Variants in HECW2 observed in about 807,000 individuals in gnomAD.
The protein encoded by HECW2 is E3 ubiquitin-protein ligase HECW2.
Under a neutral mutation model 175.2 loss-of-function variants are expected in HECW2, and 61 were observed. That is an observed-to-expected ratio of 0.35 (90% CI 0.28 to 0.43). The LOEUF is 0.43. Ranked by LOEUF, HECW2 falls within the 20% of genes least tolerant of loss-of-function variation. The probability of loss-of-function intolerance (pLI) is 1.00; values close to 1 mark genes in which losing one functional copy is unlikely to be tolerated. For synonymous variants in HECW2, 671 were observed against 731.0 expected (o/e 0.92, Z 1.32); for missense variants, 1,524 against 2,000.5 (o/e 0.76, Z 4.54).
intron 1 of HECW2, among the ~76,000 whole-genome samples, chr2:196,478,264 G>A (rs1686725765): frequency 6.6e-6 from 1 of 152,176 alleles, no homozygotes; most frequent in South Asian, 2.1e-4. Flanking sequence ...AGGCTCTGAG[G>A]AGCTGTAGGA....
chr2:196,344,168 G>T (rs534133229), intron 2 of HECW2, among the ~76,000 whole-genome samples: 3 of 151,968 alleles, frequency 2.0e-5, no homozygotes, highest in African/African-American at 7.2e-5. Context: ...ATTCAAGATG[G>T]GATGAACAAA....
intron 1 of HECW2, among the ~76,000 whole-genome samples, chr2:196,514,085 G>A (rs761301339): frequency 6.6e-6 from 1 of 152,164 alleles, no homozygotes; most frequent in Non-Finnish European, 1.5e-5. Flanking sequence ...CCCATCAAGG[G>A]CTGCAGACCC....
intron 1 of HECW2, among the ~76,000 whole-genome samples, chr2:196,531,281 C>A (rs1559161817): frequency 2.0e-5 from 3 of 152,156 alleles, no homozygotes; most frequent in Admixed American, 2.0e-4. Context: ...AAACTTCTGT[C>A]TTGTTCGATC....
intron 2 of HECW2, among the ~76,000 whole-genome samples, chr2:196,361,161 T>A (rs1022103938): frequency 6.6e-6 from 1 of 152,170 alleles, no homozygotes. Flanking sequence ...TTTTAAATAA[T>A]TAATTAAAGT....
chr2:196,243,508 T>A (rs1453647419), intron 19 of HECW2, among the ~76,000 whole-genome samples: 1 of 152,132 alleles, frequency 6.6e-6, no homozygotes, highest in Non-Finnish European at 1.5e-5. Context: ...TGAGAATATC[T>A]AGATTATATA....
At chr2:196,505,573 G>A (rs1687732325) in intron 1 of HECW2, among the ~76,000 whole-genome samples, 1 of 151,846 alleles carries the variant, frequency 6.6e-6, no homozygotes, top group African/African-American at 2.4e-5. Flanking sequence ...AAAGAAACTA[G>A]ACTTGATTAC....
At chr2:196,423,561 T>C (rs544194979) in intron 2 of HECW2, among the ~76,000 whole-genome samples, 9 of 152,178 alleles carry the variant, frequency 5.9e-5, no homozygotes, top group African/African-American at 2.2e-4. Flanking sequence ...GCTTAGAACA[T>C]TGTCAGGGTA....
chr2:196,330,588 CT>C (rs960819296), intron 4 of HECW2, among the ~76,000 whole-genome samples: 1 of 152,154 alleles, frequency 6.6e-6, no homozygotes, highest in Admixed American at 6.5e-5. Context: ...AGCAAAATCC[CT>C]GGTAAGTCAG....
Position 196,357,309 on chromosome 2 carries a change from C to A in HECW2, c.293-13545G>T, listed in dbSNP as rs1693408508. ...CCCAATCTCGCACTCTTCAGTTTGA[C>A]AACCCTGGTGGGGGGCTTGGGCGGG... On this transcript the variant is annotated intron_variant, in intron 2 of 28. Coordinates refer to ENST00000644978, the MANE Select transcript of HECW2 (RefSeq NM_001348768.2). Among the ~76,000 whole-genome samples the A allele has an allele frequency of 2.9e-5, 4 of 139,424 alleles. No individual in the cohort carries two copies. The South Asian group carries it at 9.2e-4, about 32-fold the overall frequency. 91.5% of individuals were successfully genotyped at this position (139,424 alleles called of 152,430 possible). A position where few individuals can be genotyped will look rare whatever the true frequency, so the allele number is the denominator to read the frequency against.
chr2:196,209,757 C>CTTT (rs1365319286), intron 28 of HECW2, among the ~76,000 whole-genome samples: 10 of 142,352 alleles, frequency 7.0e-5, no homozygotes, highest in African/African-American at 2.7e-4. Flanking sequence ...GTTTTTCTTT[C>CTTT]TTTCTTTCTT....
intron 17 of HECW2, among the ~76,000 whole-genome samples, chr2:196,266,314 T>C (rs1689515902): frequency 6.6e-6 from 1 of 151,264 alleles, no homozygotes. Context: ...GACACTACAC[T>C]GCAGCCTGGG....
At position 196,394,146 on chromosome 2, in the gene HECW2, C is replaced by T. The variant is rs915600088; in HGVS notation, c.292+38986G>A. Among the ~76,000 whole-genome samples the T allele has an allele frequency of 9.9e-5, 10 of 100,768 alleles. No individual in the cohort carries two copies. In the South Asian group the frequency reaches 2.2e-3, roughly 22 times the overall value. 66.1% of individuals were successfully genotyped at this position (100,768 alleles called of 152,430 possible). A position where few individuals can be genotyped will look rare whatever the true frequency, so the allele number is the denominator to read the frequency against. The stretch of plus-strand genomic sequence containing the variant: ...GGAACATCCCACACTGGGGCCTGTC[C>T]GGGGGTGAGGGGGGAGAGGGGGGAG... On this transcript the variant is annotated intron_variant, in intron 2 of 28. Transcript: ENST00000644978.
At chr2:196,285,176 T>A (rs10174081) in intron 14 of HECW2, among the ~76,000 whole-genome samples, 3,726 of 152,268 alleles carry the variant, frequency 0.024, 164 homozygotes, top group African/African-American at 0.085. Flanking sequence ...TTTTTCTTTT[T>A]TTAAAAAAAC....
At position 196,489,978 on chromosome 2, in the gene HECW2, T is replaced by C. The variant is rs186622191; in HGVS notation, c.-35-56520A>G. On this transcript the variant is annotated intron_variant, in intron 1 of 28. Transcript: ENST00000644978. ...TCAAAGCCAAAGCTATCTGACTCCA[T>C]ATGGGAGCTCCTCCATACTGCATAA... 9.9e-5 allele frequency among the ~76,000 whole-genome samples: 15 copies of C among 152,284 alleles called. No homozygotes were observed. In the East Asian group the frequency reaches 1.2e-3, roughly 12 times the overall value.
At chr2:196,521,165 G>A (rs566901173) in intron 1 of HECW2, among the ~76,000 whole-genome samples, 1 of 151,148 alleles carries the variant, frequency 6.6e-6, no homozygotes, top group Admixed American at 6.6e-5. Context: ...ACAGGCCCAA[G>A]CTCAGAAAGC....
chr2:196,372,146 G>A (rs1159222013), intron 2 of HECW2, among the ~76,000 whole-genome samples: 1 of 152,108 alleles, frequency 6.6e-6, no homozygotes, highest in African/African-American at 2.4e-5. Flanking sequence ...CAAAAAGCAG[G>A]TCCTTTAACT....
chr2:196,328,328 T>C (rs1391165427), intron 5 of HECW2, among the ~76,000 whole-genome samples: 2 of 152,170 alleles, frequency 1.3e-5, no homozygotes, highest in Admixed American at 6.6e-5. Context: ...AACCTAGATA[T>C]TTTTTAAACC....
chr2:196,310,988 T>C (rs1266157944), intron 10 of HECW2, among the ~76,000 whole-genome samples: 2 of 152,210 alleles, frequency 1.3e-5, no homozygotes, highest in Non-Finnish European at 2.9e-5. Context: ...TTTTATTATA[T>C]TAAGTTCAGC....
chr2:196,545,315 C>G lies in HECW2; in HGVS notation c.-36+48193G>C, dbSNP rs551431143. On this transcript the variant is annotated intron_variant, in intron 1 of 28. Coordinates refer to ENST00000644978, the MANE Select transcript of HECW2 (RefSeq NM_001348768.2). ...GGGCTGAAACTCCTCAGTAATTAGT[C>G]AGATTGCTAAAGGGTAAGGATATGA... 9.9e-5 allele frequency among the ~76,000 whole-genome samples: 15 copies of G among 152,176 alleles called. No individual in the cohort carries two copies. In the South Asian group the frequency reaches 3.1e-3, roughly 32 times the overall value.
Sources: allele counts gnomAD v4.1 joint callset (sites outside exome capture counted in the v4.1 genomes callset), GRCh38; gene constraint gnomAD v4.1.1; transcripts MANE v1.5; gene names NCBI Gene and HGNC (gene_info 2026-07-23, HGNC 2026-07-21).